The following NFATC1 variants were observed in gnomAD, a reference collection of about 807,000 sequenced individuals.
The protein encoded by NFATC1 is nuclear factor of activated T cells 1.
A neutral mutation model predicts 76.0 loss-of-function variants in NFATC1; 22 were observed. That is an observed-to-expected ratio of 0.29 (90% CI 0.21 to 0.41). The LOEUF is 0.41. Among genes scored for constraint, NFATC1 ranks in the 10% least tolerant of loss-of-function variants. The probability of loss-of-function intolerance (pLI) is 1.00; values close to 1 mark genes in which losing one functional copy is unlikely to be tolerated. For synonymous variants in NFATC1, 704 were observed against 613.1 expected (o/e 1.15, Z -2.19); for missense variants, 1,357 against 1,337.7 (o/e 1.01, Z -0.23).
chr18:79,420,675 G>A (rs560810026), intron 2 of NFATC1, among the ~76,000 whole-genome samples: 21 of 151,538 alleles, frequency 1.4e-4, no homozygotes, highest in African/African-American at 4.6e-4. Flanking sequence ...AGAGGGGGTC[G>A]CATTTCCAGG....
chr18:79,399,879 C>T (rs1022617366), intron 1 of NFATC1, among the ~76,000 whole-genome samples: 6 of 152,176 alleles, frequency 3.9e-5, no homozygotes, highest in African/African-American at 1.4e-4. Flanking sequence ...GGGACCTCCC[C>T]ACTCCCGGGG....
At chr18:79,458,325 A>ACAC (rs2087854096) in intron 6 of NFATC1, among the ~76,000 whole-genome samples, 11 of 149,310 alleles carry the variant, frequency 7.4e-5, no homozygotes, top group Admixed American at 6.6e-4. Context: ...GGGCACGAGG[A>ACAC]TGCTTTGGGG....
At chr18:79,477,147 T>C (rs2089107131) in intron 8 of NFATC1, among the ~76,000 whole-genome samples, 2 of 152,220 alleles carry the variant, frequency 1.3e-5, no homozygotes, top group South Asian at 4.1e-4. Flanking sequence ...CATCCGCTGT[T>C]TTCTTTCATT....
chr18:79,433,453 C>T lies in NFATC1; in HGVS notation c.1227-126C>T. ...TGCATTGACACAGGCTTCTCCATCT[C>T]CATGTCAGGACGTGCACTCGCCGAT... On this transcript the variant is annotated intron_variant, in intron 2 of 9. Coordinates refer to ENST00000427363, the MANE Select transcript of NFATC1 (RefSeq NM_001278669.2). The T allele has an allele frequency of 3.5e-6, 4 of 1,132,654 alleles. No homozygotes were observed. In the South Asian group the frequency reaches 4.0e-5, roughly 11 times the overall value. The allele number at this position is 1,132,654 out of a possible 1,614,324, so 70.2% of individuals were successfully genotyped here.
intron 9 of NFATC1, among the ~76,000 whole-genome samples, chr18:79,512,075 G>A (rs1400104377): frequency 4.6e-5 from 7 of 152,112 alleles, no homozygotes; most frequent in Non-Finnish European, 7.4e-5. Context: ...CGGCCCAAGC[G>A]ACCCCTGGCA....
At chr18:79,427,883 G>A (rs1482350820) in intron 2 of NFATC1, among the ~76,000 whole-genome samples, 8 of 143,048 alleles carry the variant, frequency 5.6e-5, no homozygotes, top group Middle Eastern at 4.0e-3. Flanking sequence ...TGGCCTCTGT[G>A]CAGTGAGTCG....
Position 79,451,682 on chromosome 18 carries a change from G to A in NFATC1, c.1769G>A (p.Arg590His), listed in dbSNP as rs2087480448. 1.2e-6 allele frequency: 2 copies of A among 1,606,304 alleles called. No individual in the cohort carries two copies. Among genetic ancestry groups the A allele is most frequent in the Non-Finnish European group, 1.7e-6 (2 of 1,176,294 alleles). The stretch of plus-strand genomic sequence containing the variant: ...CCCTCTCCTTCTGATGCAGCCCAGC[G>A]CTCAGCTCAGGAGCTGCCTCTGGTG... ...VASNPIECSQRSAQELPLVEK... is the reference protein window; with the variant it reads ...VASNPIECSQHSAQELPLVEK... The change falls in exon 6 of 10, where the codon CGC (arginine) becomes CAC (histidine). Residue 590 changes from arginine (R) to histidine (H), a missense_variant. Arg to His is a conservative substitution (Grantham distance 29). This residue lies in a region of NFATC1 where 242 missense variants were observed against 329.2 expected (regional missense o/e 0.74). Transcript: ENST00000427363.
At chr18:79,426,035 G>T (rs1031464252) in intron 2 of NFATC1, among the ~76,000 whole-genome samples, 1 of 151,952 alleles carries the variant, frequency 6.6e-6, no homozygotes, top group African/African-American at 2.4e-5. Flanking sequence ...AACATGGAGA[G>T]ACCCCATCTC....
At chr18:79,493,067 G>A (rs1201738199) in intron 9 of NFATC1, among the ~76,000 whole-genome samples, 1 of 152,086 alleles carries the variant, frequency 6.6e-6, no homozygotes, top group Non-Finnish European at 1.5e-5. Flanking sequence ...GAGCATGGCC[G>A]AGCCACAGAG....
chr18:79,501,016 A>G (rs1232895239), intron 9 of NFATC1, among the ~76,000 whole-genome samples: 1 of 151,332 alleles, frequency 6.6e-6, no homozygotes, highest in Non-Finnish European at 1.5e-5. Context: ...ACCAAAATCA[A>G]AAGTATCGTA....
intron 3 of NFATC1, among the ~76,000 whole-genome samples, chr18:79,442,877 C>T (rs2087037728): frequency 6.6e-6 from 1 of 152,132 alleles, no homozygotes; most frequent in African/African-American, 2.4e-5. Flanking sequence ...GACAGCTCCC[C>T]ACTCCCACCC....
At position 79,524,777 on chromosome 18, in the gene NFATC1, G is replaced by A. The variant is rs886835461; in HGVS notation, c.2783-2751G>A. Reference sequence around the variant, plus strand: ...ACCGAGGAACTTTCCGCCCCCCGACGGGCTCTCCCACCGAGGCTCAGGTGC... The same window carrying A: ...ACCGAGGAACTTTCCGCCCCCCGACAGGCTCTCCCACCGAGGCTCAGGTGC... On this transcript the variant is annotated intron_variant, in intron 9 of 9. Transcript: ENST00000427363. This position sits in a 1 kb window ranked among gnomAD's most constrained non-coding sequence, Gnocchi z 7.2. 3.9e-5 allele frequency among the ~76,000 whole-genome samples: 6 copies of A among 151,964 alleles called. No homozygotes were observed. Among genetic ancestry groups the A allele is most frequent in the Non-Finnish European group, 8.8e-5 (6 of 67,940 alleles).
At chr18:79,489,761 C>G (rs1230139616) in intron 9 of NFATC1, among the ~76,000 whole-genome samples, 1 of 152,222 alleles carries the variant, frequency 6.6e-6, no homozygotes, top group South Asian at 2.1e-4. Flanking sequence ...GTCCTGGGAC[C>G]TTGAGCACAG....
intron 2 of NFATC1, among the ~76,000 whole-genome samples, chr18:79,414,581 A>T (rs974208499): frequency 1.3e-5 from 2 of 152,218 alleles, no homozygotes; most frequent in Non-Finnish European, 2.9e-5. Flanking sequence ...TGAAGTTAGT[A>T]AGAGTAGGTG....
intron 9 of NFATC1, among the ~76,000 whole-genome samples, chr18:79,498,856 T>G (rs1257185201): frequency 2.0e-5 from 3 of 152,146 alleles, no homozygotes; most frequent in Non-Finnish European, 4.4e-5. Context: ...CGGAGGACAG[T>G]GGGACGGCGC....
chr18:79,441,468 G>A (rs1455917675), intron 3 of NFATC1, among the ~76,000 whole-genome samples: 4 of 152,134 alleles, frequency 2.6e-5, no homozygotes, highest in African/African-American at 9.7e-5. Context: ...GGGCTTGTGG[G>A]GGAGGCAGGA....
intron 8 of NFATC1, among the ~76,000 whole-genome samples, chr18:79,483,304 C>A (rs1456079181): frequency 7.7e-6 from 1 of 130,608 alleles, no homozygotes; most frequent in Non-Finnish European, 1.6e-5. Flanking sequence ...GGGTGTCATT[C>A]CGGCGTGACC....
chr18:79,433,699 G>A lies in NFATC1; in HGVS notation c.1347G>A (p.Gly449=), dbSNP rs761234155. 2.5e-6 allele frequency: 4 copies of A among 1,613,200 alleles called. No homozygotes were observed. The Admixed American group carries it at 5.0e-5, about 20-fold the overall frequency. ...RAHYETEGSR[G]AVKASAGGHP... Reference sequence around the variant, plus strand: ...ACTACGAGACGGAGGGCAGCCGGGGGGCCGTGAAGGCGTCGGCCGGAGGAC... The same window carrying A: ...ACTACGAGACGGAGGGCAGCCGGGGAGCCGTGAAGGCGTCGGCCGGAGGAC... The change falls in exon 3 of 10, where the codon GGG becomes GGA. Residue 449 remains glycine, a synonymous_variant. Transcript: ENST00000427363.
At chr18:79,487,627 G>C (rs1034338711) in intron 9 of NFATC1, among the ~76,000 whole-genome samples, 27 of 152,236 alleles carry the variant, frequency 1.8e-4, no homozygotes, top group African/African-American at 6.5e-4. Context: ...TGGGGCGTCT[G>C]AGCACTCAGG....
Sources: allele counts gnomAD v4.1 joint callset (sites outside exome capture counted in the v4.1 genomes callset), GRCh38; gene constraint gnomAD v4.1.1; regional missense constraint gnomAD v4.1.1; non-coding constraint Gnocchi (gnomAD v3.1); transcripts MANE v1.5; gene names NCBI Gene and HGNC (gene_info 2026-07-23, HGNC 2026-07-21).